Variants in SATB1 observed in about 807,000 individuals in gnomAD.
The protein encoded by SATB1 is SATB homeobox 1.
SATB1 carries 11 observed loss-of-function variants against 86.9 expected under a neutral mutation model. The ratio of observed to expected loss-of-function variants is 0.13; its 90% confidence interval spans 0.08 to 0.21. SATB1 has a LOEUF of 0.21. Ranked by LOEUF, SATB1 falls within the 10% of genes least tolerant of loss-of-function variation. The probability of loss-of-function intolerance (pLI) is 1.00; values close to 1 mark genes in which losing one functional copy is unlikely to be tolerated. For synonymous variants in SATB1, 357 were observed against 357.2 expected (o/e 1.00, Z 0.01); for missense variants, 551 against 937.6 (o/e 0.59, Z 5.39).
intron 5 of SATB1, chr3:18,408,561 CCT>C (rs1292947838): frequency 2.0e-5 from 3 of 151,946 alleles, no homozygotes; most frequent in Non-Finnish European, 2.9e-5. Flanking sequence ...CTGAGGCTCT[CCT>C]CTGTTATGTT....
At chr3:18,434,828 TTATCTC>T (rs1699006452) in intron 2 of SATB1, 1 of 152,048 alleles carries the variant, frequency 6.6e-6, no homozygotes, top group South Asian at 2.1e-4. Flanking sequence ...CGTTAGATGT[TTATCTC>T]TATATAAGAG....
At chr3:18,445,304 G>T in intron 1 of SATB1, 13 of 985,608 alleles carry the variant, frequency 1.3e-5, no homozygotes, top group Non-Finnish European at 1.6e-5. Flanking sequence ...CGCCGCCGCC[G>T]CCGCTGCTGC....
At chr3:18,381,809 T>A (rs1383424313) in intron 8 of SATB1, among the ~76,000 whole-genome samples, 1 of 152,170 alleles carries the variant, frequency 6.6e-6, no homozygotes, top group East Asian at 1.9e-4. Context: ...CTTTTATGGA[T>A]GCTTATTAGT....
intron 1 of SATB1, chr3:18,445,090 C>T (rs1384650601): frequency 4.1e-6 from 2 of 482,310 alleles, no homozygotes; most frequent in Admixed American, 6.6e-5. Flanking sequence ...CGCTTCGGAC[C>T]GGGCACGCTG....
At chr3:18,429,388 G>A (rs13318130), upstream of SATB1, among the ~76,000 whole-genome samples, 1 of 152,168 alleles carries the variant, frequency 6.6e-6, no homozygotes, top group South Asian at 2.1e-4. The surrounding 1 kb of genome is among the most constrained non-coding windows in gnomAD (Gnocchi z 4.1). Flanking sequence ...AACATTGCAC[G>A]CTTCTTCTCA....
chr3:18,383,086 T>G (rs1031047015), intron 8 of SATB1, among the ~76,000 whole-genome samples: 1 of 152,190 alleles, frequency 6.6e-6, no homozygotes, highest in Admixed American at 6.5e-5. Context: ...AGCATGTAAG[T>G]TGTGAAAATG....
rs748947180 is a variant in SATB1 at position 18,349,585 on chromosome 3, G to T, written c.1877C>A (p.Pro626Gln). ...QQPQTGPRLP[P>Q]RQPTVASPAE... is the part of the protein sequence containing the mutation. Reference sequence around the variant, plus strand: ...TGGAGAGGCCACCGTGGGTTGCCGTGGGGGGAGCCGAGGGCCTGTCTGTGG... The same window carrying T: ...TGGAGAGGCCACCGTGGGTTGCCGTTGGGGGAGCCGAGGGCCTGTCTGTGG... Residue 626 changes from proline (P) to glutamine (Q), a missense_variant, in exon 11 of 11, where the codon CCA becomes CAA. This residue lies in a region of SATB1 where 87 missense variants were observed against 103.6 expected (regional missense o/e 0.84). Coordinates refer to ENST00000338745, the MANE Select transcript of SATB1 (RefSeq NM_002971.6). This position sits in a 1 kb window ranked among gnomAD's most constrained non-coding sequence, Gnocchi z 5.5. 58 of 1,613,434 alleles carry T rather than the reference G, an allele frequency of 3.6e-5. No individual in the cohort carries two copies. The highest frequency in any genetic ancestry group is 4.6e-5 in the Non-Finnish European group (54 of 1,179,916).
chr3:18,360,639 G>C (rs1694863451), intron 9 of SATB1, among the ~76,000 whole-genome samples: 1 of 151,832 alleles, frequency 6.6e-6, no homozygotes, highest in Admixed American at 6.6e-5. Flanking sequence ...ATGTGAACTT[G>C]AATAATGTTT....
intron 5 of SATB1, 25 bp downstream of exon 5, chr3:18,415,086 A>G (rs1287039416): frequency 1.1e-5 from 18 of 1,611,408 alleles, no homozygotes; most frequent in Non-Finnish European, 1.5e-5. Flanking sequence ...ATGTCTTATT[A>G]TTTATTACAT....
intron 8 of SATB1, among the ~76,000 whole-genome samples, chr3:18,382,319 T>C (rs1184007695): frequency 6.6e-6 from 1 of 152,204 alleles, no homozygotes; most frequent in Admixed American, 6.5e-5. Context: ...GACTTTTGTG[T>C]AATTCATGTA....
chr3:18,406,714 A>C (rs929167445), intron 5 of SATB1, among the ~76,000 whole-genome samples: 3 of 152,184 alleles, frequency 2.0e-5, no homozygotes, highest in Non-Finnish European at 2.9e-5. Context: ...AGCATGAGAC[A>C]GCTTGAAATG....
intron 9 of SATB1, among the ~76,000 whole-genome samples, chr3:18,368,146 A>AG (rs1695280997): frequency 1.3e-5 from 2 of 152,220 alleles, no homozygotes; most frequent in East Asian, 3.8e-4. Flanking sequence ...TATCTCCCTG[A>AG]TTAGCAATGG....
At position 18,354,177 on chromosome 3, in the gene SATB1, G is replaced by C. The variant is rs144719874; in HGVS notation, c.1576-1982C>G. ...ACCCACTTGCATATGGTGCCCTGCAGATGTTTACTTAGCTTTTACTGGTAA... is the reference window on the plus strand; with the variant it reads ...ACCCACTTGCATATGGTGCCCTGCACATGTTTACTTAGCTTTTACTGGTAA... On this transcript the variant is annotated intron_variant, in intron 9 of 10. Coordinates refer to ENST00000338745, the MANE Select transcript of SATB1 (RefSeq NM_002971.6). Among the ~76,000 whole-genome samples, 32 of 152,164 alleles carry C rather than the reference G, an allele frequency of 2.1e-4. No homozygotes were observed. The East Asian group carries it at 6.2e-3, about 29-fold the overall frequency.
chr3:18,374,463 G>A (rs1695638072), intron 9 of SATB1, among the ~76,000 whole-genome samples: 1 of 152,108 alleles, frequency 6.6e-6, no homozygotes. Context: ...AAAAACTGCT[G>A]CTTATTTGAA....
intron 2 of SATB1, chr3:18,417,471 A>G: frequency 1.7e-6 from 1 of 589,848 alleles, no homozygotes; most frequent in East Asian, 2.8e-5. Context: ...TTATCTTCAG[A>G]AGAACCCACC....
At chr3:18,412,352 C>G (rs190082145) in intron 5 of SATB1, among the ~76,000 whole-genome samples, 3 of 152,134 alleles carry the variant, frequency 2.0e-5, no homozygotes, top group African/African-American at 7.2e-5. Flanking sequence ...ACACCCCAGG[C>G]AAAATCCTGG....
At chr3:18,367,879 A>G (rs1223503837) in intron 9 of SATB1, among the ~76,000 whole-genome samples, 1 of 152,106 alleles carries the variant, frequency 6.6e-6, no homozygotes, top group Non-Finnish European at 1.5e-5. Flanking sequence ...ACAATTTAGG[A>G]CTCCTTTTAA....
Position 18,345,937 on chromosome 3 carries a change from A to C in SATB1, c.*3233T>G, listed in dbSNP as rs2125116563. 1 of 152,280 alleles carries C rather than the reference A, an allele frequency of 6.6e-6. No homozygotes were observed. Among genetic ancestry groups the C allele is most frequent in the African/African-American group, 2.4e-5 (1 of 41,582 alleles). The allele number at this position is 152,280 out of a possible 1,614,324, so 9.4% of individuals were successfully genotyped here. On this transcript the variant is annotated 3_prime_UTR_variant, in exon 11 of 11. Coordinates refer to ENST00000338745, the MANE Select transcript of SATB1 (RefSeq NM_002971.6). Reference sequence around the variant, plus strand: ...GATTCTCATTTTTACTCAATCTTGAATCATCTGAGAATGTTTTCTATTCAA... The same window carrying C: ...GATTCTCATTTTTACTCAATCTTGACTCATCTGAGAATGTTTTCTATTCAA...
Position 18,394,617 on chromosome 3 carries a change from G to T in SATB1, c.1051C>A (p.Pro351Thr), listed in dbSNP as rs1322540364. 6.2e-7 allele frequency: 1 copy of T among 1,614,080 alleles called. No homozygotes were observed. The highest frequency in any genetic ancestry group is 8.5e-7 in the Non-Finnish European group (1 of 1,180,048). Residue 351 changes from proline (P) to threonine (T), a missense_variant, in exon 7 of 11, where the codon CCC becomes ACC. Around this residue, in one of 8 missense-constraint regions of SATB1, gnomAD observed 119 missense variants for 171.1 expected, o/e 0.70. Coordinates refer to ENST00000338745, the MANE Select transcript of SATB1 (RefSeq NM_002971.6). The surrounding 1 kb of genome is among the most constrained non-coding windows in gnomAD (Gnocchi z 5.9). ...TTATTCATAGATCTACTGACAGGGG[G>T]AGGGTGGTTCAAGTATTGTTGGTTT... ...SLNQQYLNHP[P>T]PVSRSMNKPL...
Sources: gnomAD v4.1 joint callset for allele counts (sites outside exome capture counted in the v4.1 genomes callset) on GRCh38, gnomAD v4.1.1 for gene constraint, gnomAD v4.1.1 regional missense constraint, Gnocchi (gnomAD v3.1) non-coding constraint, MANE v1.5 for transcripts, NCBI Gene and HGNC (gene_info 2026-07-23, HGNC 2026-07-21) for gene names.